HIVEP3: variants seen among roughly 807,000 people sequenced by gnomAD.
HIVEP3 encodes transcription factor HIVEP3.
HIVEP3 carries 49 observed loss-of-function variants against 152.8 expected under a neutral mutation model. That is an observed-to-expected ratio of 0.32 (90% confidence interval 0.26 to 0.41). The LOEUF is 0.41. Among genes scored for constraint, HIVEP3 ranks in the 10% least tolerant of loss-of-function variants. The probability of loss-of-function intolerance (pLI) is 1.00; values close to 1 mark genes in which losing one functional copy is unlikely to be tolerated. For synonymous variants in HIVEP3, 1,269 were observed against 1,289.0 expected (o/e 0.98, Z 0.33); for missense variants, 2,790 against 3,103.3 (o/e 0.90, Z 2.40).
At chr1:41,805,326 G>A (rs1472648515) in intron 1 of HIVEP3, among the ~76,000 whole-genome samples, 1 of 152,232 alleles carries the variant, frequency 6.6e-6, no homozygotes, top group Admixed American at 6.5e-5. Context: ...AACAGAGTAA[G>A]ACTCCCTCTC....
chr1:41,694,200 T>G (rs749757179), intron 2 of HIVEP3, among the ~76,000 whole-genome samples: 9 of 152,244 alleles, frequency 5.9e-5, no homozygotes, highest in Non-Finnish European at 1.3e-4. Context: ...TTTTTCCCTC[T>G]ATGCTTTCTA....
chr1:41,778,344 T>C (rs1384560043), intron 1 of HIVEP3, among the ~76,000 whole-genome samples: 4 of 151,294 alleles, frequency 2.6e-5, no homozygotes, highest in African/African-American at 4.9e-5. Context: ...GTAGTTCAGG[T>C]GGCTCTCCAG....
At chr1:41,800,768 A>G (rs1650254560) in intron 1 of HIVEP3, among the ~76,000 whole-genome samples, 2 of 152,232 alleles carry the variant, frequency 1.3e-5, no homozygotes, top group Admixed American at 1.3e-4. Flanking sequence ...CCCTTTCACT[A>G]TATATGCAAA....
chr1:41,994,949 A>T (rs1329939620), intron 1 of HIVEP3, among the ~76,000 whole-genome samples: 3 of 152,194 alleles, frequency 2.0e-5, no homozygotes, highest in African/African-American at 4.8e-5. Context: ...ACACATTATT[A>T]GAGAGAGAAT....
intron 1 of HIVEP3, among the ~76,000 whole-genome samples, chr1:41,703,007 C>G (rs1646385308): frequency 1.3e-5 from 2 of 152,348 alleles, no homozygotes; most frequent in South Asian, 4.1e-4. Flanking sequence ...TTGCCCGGTG[C>G]TTTTTCCTAT....
At chr1:41,660,433 T>A (rs759907111) in intron 2 of HIVEP3, among the ~76,000 whole-genome samples, 1 of 152,230 alleles carries the variant, frequency 6.6e-6, no homozygotes, top group Non-Finnish European at 1.5e-5. Context: ...AACTTCTGGA[T>A]GTCATTCAGT....
At chr1:41,869,428 C>T (rs1013119494) in intron 1 of HIVEP3, 2 of 152,294 alleles carry the variant, frequency 1.3e-5, no homozygotes, top group African/African-American at 4.8e-5. Context: ...AGGCCCCAGA[C>T]CAGTCAGTGC....
intron 8 of HIVEP3, among the ~76,000 whole-genome samples, chr1:41,512,249 C>G (rs1240283887): frequency 6.6e-6 from 1 of 152,004 alleles, no homozygotes; most frequent in Non-Finnish European, 1.5e-5. Flanking sequence ...GTCATGGGGA[C>G]GGATCCCTCA....
intron 1 of HIVEP3, among the ~76,000 whole-genome samples, chr1:41,975,784 C>T (rs1412967338): frequency 6.6e-6 from 1 of 152,176 alleles, no homozygotes; most frequent in Non-Finnish European, 1.5e-5. Context: ...GGACCAGAAT[C>T]CTGGTGCTAC....
chr1:41,747,735 T>C (rs148253599), intron 1 of HIVEP3, among the ~76,000 whole-genome samples: 307 of 152,348 alleles, frequency 2.0e-3, no homozygotes, highest in African/African-American at 6.9e-3. Context: ...CTGCATAGTA[T>C]TGTGTTGTGT....
chr1:41,857,287 T>A (rs1200710456), intron 1 of HIVEP3, among the ~76,000 whole-genome samples: 1 of 152,156 alleles, frequency 6.6e-6, no homozygotes, highest in African/African-American at 2.4e-5. Flanking sequence ...CAACCCTCCA[T>A]GCTTAGAAGA....
intron 1 of HIVEP3, among the ~76,000 whole-genome samples, chr1:41,803,855 C>T (rs569252967): frequency 2.6e-5 from 4 of 152,298 alleles, no homozygotes; most frequent in African/African-American, 9.6e-5. Context: ...AAGCTGTGCA[C>T]ATCCTGGGCA....
At chr1:41,718,774 C>CCACACA (rs3064313) in intron 1 of HIVEP3, among the ~76,000 whole-genome samples, 5 of 148,444 alleles carry the variant, frequency 3.4e-5, no homozygotes, top group African/African-American at 9.9e-5. Context: ...TCTTTCACAC[C>CCACACA]CACACACACA....
intron 5 of HIVEP3, among the ~76,000 whole-genome samples, chr1:41,550,944 G>A (rs1171193200): frequency 4.6e-5 from 7 of 152,154 alleles, no homozygotes; most frequent in Non-Finnish European, 1.0e-4. Context: ...GGGCATCCCT[G>A]TCTTGTGCCA....
intron 2 of HIVEP3, among the ~76,000 whole-genome samples, chr1:41,650,168 T>C (rs985182668): frequency 1.3e-5 from 2 of 151,946 alleles, no homozygotes; most frequent in Admixed American, 1.3e-4. Flanking sequence ...CGGTTAAGGA[T>C]GGCAGCTCTT....
intron 1 of HIVEP3, among the ~76,000 whole-genome samples, chr1:41,985,230 C>A (rs991272968): frequency 6.6e-6 from 1 of 152,132 alleles, no homozygotes; most frequent in Non-Finnish European, 1.5e-5. Context: ...GACAGTACCA[C>A]AAAATGAGGC....
At chr1:41,728,473 A>AG (rs1423246820) in intron 1 of HIVEP3, among the ~76,000 whole-genome samples, 1 of 150,880 alleles carries the variant, frequency 6.6e-6, no homozygotes, top group African/African-American at 2.4e-5. Context: ...GCGACAGAGC[A>AG]GGGGGAGTAA....
intron 2 of HIVEP3, among the ~76,000 whole-genome samples, chr1:41,634,147 A>G (rs1645236771): frequency 6.6e-6 from 1 of 152,154 alleles, no homozygotes. Context: ...TACTCGAGGA[A>G]TCACTCAAAG....
At chr1:41,628,620 C>T in intron 3 of HIVEP3, 129 bp downstream of exon 3, 1 of 758,186 alleles carries the variant, frequency 1.3e-6, no homozygotes, top group Non-Finnish European at 1.8e-6. Context: ...CACAGAGGCA[C>T]CAGAAAGGCA....
Sources: gnomAD v4.1 joint callset for allele counts (sites outside exome capture counted in the v4.1 genomes callset) on GRCh38, gnomAD v4.1.1 for gene constraint, MANE v1.5 for transcripts, NCBI Gene and HGNC (gene_info 2026-07-23, HGNC 2026-07-21) for gene names.